The following NHSL2 variants were observed in gnomAD, a reference collection of about 807,000 sequenced individuals.
NHSL2 encodes the protein NHS like 2.
Under a neutral mutation model 53.4 loss-of-function variants are expected in NHSL2, and 27 were observed. That is an observed-to-expected ratio of 0.51 (90% confidence interval 0.37 to 0.70). NHSL2 has a LOEUF of 0.70. Among genes scored for constraint, NHSL2 ranks in the 30% least tolerant of loss-of-function variants. NHSL2 has a pLI of 0.00. For missense variants in NHSL2, 892 were observed against 980.1 expected, an observed-to-expected ratio of 0.91 and a Z score of 1.20; for synonymous variants, 408 against 404.1, an observed-to-expected ratio of 1.01 and a Z score of -0.12.
intron 1 of NHSL2, 117 bp from the exon 2 acceptor site, chrX:72,131,962 G>A: frequency 1.4e-6 from 1 of 690,688 alleles, no homozygotes; most frequent in Non-Finnish European, 2.2e-6. Flanking sequence ...GCGCAGCCTC[G>A]CACTCCCCCC....
At chrX:72,011,909 A>C (rs1451885797) in intron 1 of NHSL2, among the ~76,000 whole-genome samples, 1 of 111,686 alleles carries the variant, frequency 9.0e-6, no homozygotes, top group African/African-American at 3.3e-5. Flanking sequence ...TGCCATCTGT[A>C]TATCTTCTTC....
At chrX:71,938,837 C>G (rs1399916154) in intron 1 of NHSL2, among the ~76,000 whole-genome samples, 2 of 112,490 alleles carry the variant, frequency 1.8e-5, no homozygotes, top group Non-Finnish European at 3.8e-5. Context: ...GCAGCTGGCC[C>G]CAGGATGATT....
chrX:72,138,520 G>C lies in NHSL2; in HGVS notation c.972G>C (p.Gly324=), dbSNP rs1198488439. 6.8e-5 allele frequency: 79 copies of C among 1,162,759 alleles called. No homozygotes were observed. The highest frequency in any genetic ancestry group is 8.4e-5 in the Non-Finnish European group (73 of 869,773). ...GGCCCAGTCACTCAGTTCCAGAAGGGGTTCATGGAAGAGTTGCAGTTGGTC... is the reference window on the plus strand; with the variant it reads ...GGCCCAGTCACTCAGTTCCAGAAGGCGTTCATGGAAGAGTTGCAGTTGGTC... ...DIRPSHSVPE[G]VHGRVAVGQD... is the part of the protein sequence containing the mutation. The change falls in exon 6 of 8, where the codon GGG becomes GGC. Residue 324 remains glycine (G), a synonymous_variant. Transcript: ENST00000633930.
chrX:71,916,351 A>G (rs1348214687), intron 1 of NHSL2, among the ~76,000 whole-genome samples: 1 of 112,637 alleles, frequency 8.9e-6, no homozygotes, highest in Non-Finnish European at 1.9e-5. Flanking sequence ...CTTATCCTTC[A>G]GTGCTCAAGT....
intron 7 of NHSL2, 91 bp downstream of exon 7, chrX:72,142,455 TAAAAGA>T: frequency 1.4e-6 from 1 of 740,051 alleles, no homozygotes; most frequent in Non-Finnish European, 1.9e-6. Context: ...ATCCTAATTG[TAAAAGA>T]AAAAGAAAAA....
intron 1 of NHSL2, among the ~76,000 whole-genome samples, chrX:71,970,184 T>C (rs2041919285): frequency 8.9e-6 from 1 of 112,026 alleles, no homozygotes; most frequent in Non-Finnish European, 1.9e-5. Context: ...TTTGCATCTA[T>C]ATTTATAAGG....
intron 1 of NHSL2, among the ~76,000 whole-genome samples, chrX:72,050,810 A>G (rs745746451): frequency 1.2e-4 from 13 of 108,526 alleles, no homozygotes; most frequent in Non-Finnish European, 2.3e-4. Context: ...AATTGCTTGA[A>G]CCCGGGAGGC....
chrX:72,130,250 C>T lies in NHSL2; in HGVS notation c.281-1829C>T, dbSNP rs758470258. ...TGTGGCTCTCCTTCTGGTTTCTGGC[C>T]CCCATCCTCATCTTCATCTTCTTCA... On this transcript the variant is annotated intron_variant, in intron 1 of 7. Coordinates refer to ENST00000633930, the MANE Select transcript of NHSL2 (RefSeq NM_001013627.3). 3.3e-6 allele frequency: 4 copies of T among 1,205,977 alleles called. No individual in the cohort carries two copies. In the African/African-American group the frequency reaches 5.3e-5, roughly 16 times the overall value.
At chrX:71,919,726 G>A (rs1227321167) in intron 1 of NHSL2, among the ~76,000 whole-genome samples, 2 of 111,217 alleles carry the variant, frequency 1.8e-5, no homozygotes, top group Non-Finnish European at 3.8e-5. Flanking sequence ...TGAAGCTGAG[G>A]CACCACCAAG....
chrX:72,019,186 G>A (rs775037198), intron 1 of NHSL2, among the ~76,000 whole-genome samples: 1 of 112,647 alleles, frequency 8.9e-6, no homozygotes, highest in Non-Finnish European at 1.9e-5. Context: ...GAAGATTGGA[G>A]CTGTCTGCAG....
chrX:72,066,138 G>T (rs2042427913), intron 1 of NHSL2, among the ~76,000 whole-genome samples: 1 of 111,517 alleles, frequency 9.0e-6, no homozygotes, highest in African/African-American at 3.3e-5. Flanking sequence ...TCATTGAAGG[G>T]GTCTGGGGAA....
intron 1 of NHSL2, among the ~76,000 whole-genome samples, chrX:71,962,884 T>A (rs1233341203): frequency 9.0e-6 from 1 of 110,529 alleles, no homozygotes; most frequent in Non-Finnish European, 1.9e-5. Context: ...GTGATCCTCC[T>A]GCCTCAGCCT....
chrX:71,984,259 G>A (rs2041993382), intron 1 of NHSL2, among the ~76,000 whole-genome samples: 1 of 111,823 alleles, frequency 8.9e-6, no homozygotes, highest in African/African-American at 3.3e-5. Flanking sequence ...TCTGACAAAA[G>A]GTGATATCTT....
intron 1 of NHSL2, among the ~76,000 whole-genome samples, chrX:71,928,851 A>G (rs1044451405): frequency 2.7e-5 from 3 of 111,871 alleles, no homozygotes; most frequent in Non-Finnish European, 5.6e-5. Flanking sequence ...GCAGCAAACT[A>G]TGGAAGGTTT....
intron 1 of NHSL2, among the ~76,000 whole-genome samples, chrX:71,975,206 A>G (rs1460808240): frequency 8.9e-6 from 1 of 111,815 alleles, no homozygotes; most frequent in African/African-American, 3.3e-5. Flanking sequence ...GCTGGAGACA[A>G]TTACCACCAC....
chrX:72,079,973 G>A (rs2041775938), intron 1 of NHSL2: 1 of 112,831 alleles, frequency 8.9e-6, no homozygotes, highest in Non-Finnish European at 1.9e-5. Context: ...AAAGAGAGAG[G>A]AAACTCACTT....
chrX:71,961,137 A>T (rs2041865496), intron 1 of NHSL2, among the ~76,000 whole-genome samples: 1 of 111,228 alleles, frequency 9.0e-6, no homozygotes, highest in South Asian at 3.8e-4. Flanking sequence ...ATTCTTTTTG[A>T]TGCTATTGTA....
chrX:72,152,248 G>A lies in NHSL2; in HGVS notation c.*8674G>A, dbSNP rs1326217350. ...CACATTTTCTCGTATAAACGTTGTG[G>A]GATAAGAATGGATGATATGTATGTG... On this transcript the variant is annotated 3_prime_UTR_variant, in exon 8 of 8. Transcript: ENST00000633930. The A allele has an allele frequency of 8.9e-6, 1 of 112,885 alleles. No homozygotes were observed. The highest frequency in any genetic ancestry group is 1.9e-5 in the Non-Finnish European group (1 of 53,313). 9.3% of individuals were successfully genotyped at this position (112,885 alleles called of 1,213,427 possible).
At chrX:72,132,267 C>T in intron 2 of NHSL2, 33 bp downstream of exon 2, 5 of 1,121,809 alleles carry the variant, frequency 4.5e-6, no homozygotes, top group Non-Finnish European at 5.9e-6. Context: ...CGGCCGGAGC[C>T]CAGAAGCGAG....
Sources: allele counts gnomAD v4.1 joint callset (sites outside exome capture counted in the v4.1 genomes callset), GRCh38; gene constraint gnomAD v4.1.1; transcripts MANE v1.5; gene names NCBI Gene and HGNC (gene_info 2026-07-23, HGNC 2026-07-21).